The following SCYL2 variants were observed in gnomAD, a reference collection of about 807,000 sequenced individuals.
SCYL2 encodes SCY1-like protein 2.
SCYL2 carries 36 observed loss-of-function variants against 100.4 expected under a neutral mutation model. The observed-to-expected ratio is 0.36, with a 90% CI of 0.27 to 0.47. SCYL2 has a LOEUF of 0.47. Ranked by LOEUF, SCYL2 falls within the 20% of genes least tolerant of loss-of-function variation. The pLI, the probability that SCYL2 is intolerant of heterozygous loss-of-function variation, is 1.00. For synonymous variants in SCYL2, 330 were observed against 359.2 expected (o/e 0.92, Z 0.92); for missense variants, 902 against 1,083.9 (o/e 0.83, Z 2.36).
chr12:100,310,239 G>A (rs974971966), intron 4 of SCYL2, among the ~76,000 whole-genome samples: 2 of 152,206 alleles, frequency 1.3e-5, no homozygotes, highest in Admixed American at 6.5e-5. Flanking sequence ...CCTGTGATCC[G>A]CCTGCCTCGG....
chr12:100,273,702 C>T (rs546972596), intron 1 of SCYL2, among the ~76,000 whole-genome samples: 1 of 152,266 alleles, frequency 6.6e-6, no homozygotes, highest in African/African-American at 2.4e-5. Flanking sequence ...TATCTTGGCA[C>T]GTGGTATTAT....
chr12:100,307,444 C>A (rs190666863), intron 4 of SCYL2, among the ~76,000 whole-genome samples: 1 of 152,222 alleles, frequency 6.6e-6, no homozygotes, highest in East Asian at 1.9e-4. Flanking sequence ...TAGCCACATG[C>A]AGAAAACTGA....
At chr12:100,337,304 A>C (rs1227857548) in intron 16 of SCYL2, 83 bp from the exon 17 acceptor site, 2 of 1,555,026 alleles carry the variant, frequency 1.3e-6, no homozygotes, top group Non-Finnish European at 1.7e-6. Context: ...AGTAAGATGT[A>C]CTTTACCCGA....
intron 9 of SCYL2, among the ~76,000 whole-genome samples, chr12:100,317,152 G>A (rs2096349869): frequency 1.3e-5 from 2 of 151,964 alleles, no homozygotes; most frequent in Admixed American, 6.6e-5. Flanking sequence ...CTGAGTCTTG[G>A]CAAAACTAAT....
rs77893238 is a variant in SCYL2, at chr12:100,309,267, C to T, written c.481-1777C>T. 2.2e-3 allele frequency among the ~76,000 whole-genome samples: 331 copies of T among 152,174 alleles called. 5 individuals carry two copies. In the East Asian group the frequency reaches 0.036, roughly 17 times the overall value. ...CCATTTTTAAGTGTACATTTGAGTC[C>T]GTTCATTAAGTACATTCACATTGTC... is the stretch of plus-strand genomic sequence containing the variant. On this transcript the variant is annotated intron_variant, in intron 4 of 17. Transcript: ENST00000360820.
chr12:100,309,124 G>GTA (rs1159443545), intron 4 of SCYL2, among the ~76,000 whole-genome samples: 2 of 151,786 alleles, frequency 1.3e-5, no homozygotes, highest in African/African-American at 2.4e-5. Context: ...GTGTGTGTGT[G>GTA]TGTGTGTGTG....
intron 5 of SCYL2, 97 bp from the exon 6 acceptor site, chr12:100,312,335 T>G: frequency 1.1e-6 from 1 of 927,148 alleles, no homozygotes. Context: ...CATTTTTACT[T>G]GCATGACCGA....
At position 100,314,478 on chromosome 12, in the gene SCYL2, ATT is replaced by A; in HGVS notation, c.970-4_970-3del. On this transcript the variant is annotated splice_polypyrimidine_tract_variant and intron_variant, in intron 7 of 17. Coordinates refer to ENST00000360820, the MANE Select transcript of SCYL2 (RefSeq NM_017988.6). ...ACATTTATCAAAATACTTTATTTCC[ATT>A]TTTTTTAGATTCCCTTCTTTGATGA... is the stretch of plus-strand genomic sequence containing the variant. 1 of 1,565,332 alleles carries A rather than the reference ATT, an allele frequency of 6.4e-7. No individual in the cohort carries two copies. Among genetic ancestry groups the A allele is most frequent in the Non-Finnish European group, 8.7e-7 (1 of 1,144,966 alleles).
rs546061639 is a variant in SCYL2, at chr12:100,295,143, G to A, written c.336-2888G>A. 1.1e-4 allele frequency among the ~76,000 whole-genome samples: 17 copies of A among 151,694 alleles called. No individual in the cohort carries two copies. In the South Asian group the frequency reaches 2.9e-3, roughly 26 times the overall value. On this transcript the variant is annotated intron_variant, in intron 3 of 17. Coordinates refer to ENST00000360820, the MANE Select transcript of SCYL2 (RefSeq NM_017988.6). ...CTCTTCACTTCCTAGATGGGATGGC[G>A]GCAGGGAAGAGGCGCTCCTCACTTC...
intron 3 of SCYL2, among the ~76,000 whole-genome samples, chr12:100,294,131 G>A (rs1353779790): frequency 2.1e-5 from 3 of 145,584 alleles, no homozygotes; most frequent in Non-Finnish European, 3.0e-5. Flanking sequence ...CTCACCTCCC[G>A]GACGGGGCGG....
At position 100,283,298 on chromosome 12, in the gene SCYL2, A is replaced by C; in HGVS notation, c.177+151A>C. ...TTCTCATTTTATCTTATTAAGTCAT[A>C]CAAAAAAACAAATGCTTTTAAACAT... On this transcript the variant is annotated intron_variant, in intron 2 of 17. Transcript: ENST00000360820. The C allele has an allele frequency of 3.3e-6, 2 of 613,198 alleles. 1 individual carries two copies. Among genetic ancestry groups the C allele is most frequent in the South Asian group, 4.8e-5 (2 of 42,034 alleles). 38.0% of individuals were successfully genotyped at this position (613,198 alleles called of 1,614,324 possible). A position where few individuals can be genotyped will look rare whatever the true frequency, so the allele number is the denominator to read the frequency against.
At position 100,329,297 on chromosome 12, in the gene SCYL2, A is replaced by T. The variant is rs763409248; in HGVS notation, c.1739A>T (p.Glu580Val). 5 of 1,581,120 alleles carry T rather than the reference A, an allele frequency of 3.2e-6. No homozygotes were observed. In the Admixed American group the frequency reaches 6.7e-5, roughly 21 times the overall value. ...VLPHLIPLSI[E>V]NNLNLNQFNS... ...CCTCATCTTATTCCCCTGAGTATTG[A>T]AAACAATCTTAATCTTAATCAGGTA... is the stretch of plus-strand genomic sequence containing the variant. The change falls in exon 13 of 18, where the codon GAA becomes GTA. Residue 580 changes from glutamate to valine, a missense_variant. Physicochemically the swap from Glu to Val is moderately radical, Grantham distance 121 (BLOSUM62 -2). Transcript: ENST00000360820.
chr12:100,294,410 G>T (rs7487028), intron 3 of SCYL2, among the ~76,000 whole-genome samples: 1 of 27,852 alleles, frequency 3.6e-5, no homozygotes, highest in East Asian at 9.3e-4. Flanking sequence ...CTCCCGGACG[G>T]GGCGGCTGGC....
intron 4 of SCYL2, among the ~76,000 whole-genome samples, chr12:100,307,261 A>G (rs1020701988): frequency 1.3e-5 from 2 of 152,206 alleles, no homozygotes; most frequent in African/African-American, 4.8e-5. Flanking sequence ...AGGCTACAGT[A>G]ACCAAAACAG....
At chr12:100,267,894 C>G (rs1383671130) in intron 1 of SCYL2, 102 bp downstream of exon 1, 1 of 152,302 alleles carries the variant, frequency 6.6e-6, no homozygotes, top group Non-Finnish European at 1.5e-5. Flanking sequence ...AGCTTTAGTT[C>G]TGGAATGGAA....
intron 1 of SCYL2, among the ~76,000 whole-genome samples, chr12:100,282,483 G>A (rs547885608): frequency 1.3e-5 from 2 of 151,310 alleles, no homozygotes; most frequent in Admixed American, 6.6e-5. Flanking sequence ...CTGCCACCAC[G>A]CCTGGCTAAT....
intron 4 of SCYL2, among the ~76,000 whole-genome samples, chr12:100,300,956 T>C (rs2096326841): frequency 6.6e-6 from 1 of 152,200 alleles, no homozygotes; most frequent in South Asian, 2.1e-4. Context: ...GCAACAAACA[T>C]GGGAGTGCAG....
At chr12:100,322,708 ATAT>A (rs1197254771) in intron 10 of SCYL2, among the ~76,000 whole-genome samples, 1 of 151,908 alleles carries the variant, frequency 6.6e-6, no homozygotes, top group African/African-American at 2.4e-5. Context: ...AAAATACAAA[ATAT>A]TAGCTGGGTG....
intron 1 of SCYL2, among the ~76,000 whole-genome samples, chr12:100,270,669 C>G (rs2096286671): frequency 2.8e-5 from 4 of 145,338 alleles, no homozygotes; most frequent in African/African-American, 1.0e-4. Flanking sequence ...GAGACAGGGT[C>G]TCACTATGTT....
Sources: gnomAD v4.1 joint callset for allele counts (sites outside exome capture counted in the v4.1 genomes callset) on GRCh38, gnomAD v4.1.1 for gene constraint, MANE v1.5 for transcripts, NCBI Gene and HGNC (gene_info 2026-07-23, HGNC 2026-07-21) for gene names.